Variants in SHE observed in about 807,000 individuals in gnomAD.
SHE encodes SH2 domain-containing adapter protein E.
In SHE, 11 loss-of-function variants were observed where a neutral mutation model predicts 49.8. That is an observed-to-expected ratio of 0.22 (90% CI 0.14 to 0.37). SHE has a LOEUF of 0.37. Among genes scored for constraint, SHE ranks in the 10% least tolerant of loss-of-function variants. SHE has a pLI of 1.00. For synonymous variants in SHE, 310 were observed against 278.1 expected, an observed-to-expected ratio of 1.11 and a Z score of -1.14; for missense variants, 624 against 655.5, an observed-to-expected ratio of 0.95 and a Z score of 0.52.
chr1:154,497,207 G>T (rs1341985976), intron 2 of SHE, among the ~76,000 whole-genome samples: 1 of 152,220 alleles, frequency 6.6e-6, no homozygotes, highest in Admixed American at 6.5e-5. Flanking sequence ...TTTTCATTCT[G>T]AAGACTGTCT....
chr1:154,480,285 A>C lies in SHE; in HGVS notation c.*3864T>G, dbSNP rs1052127660. ...CAAGGGGTGCGGGGAAGGGAAATGA[A>C]ATCGACATCACTGCACTCCCTAAAC... On this transcript the variant is annotated 3_prime_UTR_variant, in exon 6 of 6. Coordinates refer to ENST00000304760, the MANE Select transcript of SHE (RefSeq NM_001010846.3). 3 of 985,432 alleles carry C rather than the reference A, an allele frequency of 3.0e-6. No homozygotes were observed. Among genetic ancestry groups the C allele is most frequent in the African/African-American group, 3.5e-5 (2 of 57,346 alleles). 61.0% of individuals were successfully genotyped at this position (985,432 alleles called of 1,614,324 possible).
chr1:154,477,295 T>C (rs982658117), downstream of SHE, among the ~76,000 whole-genome samples: 1 of 152,162 alleles, frequency 6.6e-6, no homozygotes, highest in African/African-American at 2.4e-5. Context: ...GCATTTCCAT[T>C]GTAAGATAAT....
At chr1:154,470,073 C>G in exon 2 of SHE, 2 of 334,992 alleles carry the variant, frequency 6.0e-6, no homozygotes, top group South Asian at 4.6e-5. Context: ...CGCCTCTGGG[C>G]CCCCACCTGG....
intron 2 of SHE, among the ~76,000 whole-genome samples, chr1:154,494,590 A>C (rs924508184): frequency 6.6e-6 from 1 of 151,342 alleles, no homozygotes. Context: ...TTGACTATTT[A>C]AACAAACCAA....
rs564000149 is a variant in SHE, at chr1:154,502,107, G to T, written c.-81C>A. ...GCGCCCCCGGCCGGCCGTCGCCCAC[G>T]CCCGGCAGGGTGGGGTTCTCACGGC... On this transcript the variant is annotated 5_prime_UTR_variant, in exon 1 of 6. Coordinates refer to ENST00000304760, the MANE Select transcript of SHE (RefSeq NM_001010846.3). 4 of 1,116,886 alleles carry T rather than the reference G, an allele frequency of 3.6e-6. No homozygotes were observed. The highest frequency in any genetic ancestry group is 4.4e-5 in the Admixed American group (1 of 22,540). 69.2% of individuals were successfully genotyped at this position (1,116,886 alleles called of 1,614,324 possible).
In SHE at chr1:154,482,725, C is replaced by T; in HGVS notation, c.*1424G>A. 7.1e-6 allele frequency: 7 copies of T among 985,322 alleles called. No individual in the cohort carries two copies. The highest frequency in any genetic ancestry group is 8.4e-6 in the Non-Finnish European group (7 of 829,910). The allele number at this position is 985,322 out of a possible 1,614,324, so 61.0% of individuals were successfully genotyped here. ...ACAGTAAATAAACTGGTGATATAAG[C>T]TCATGATAAATCATAAAGATCCTAA... On this transcript the variant is annotated 3_prime_UTR_variant, in exon 6 of 6. Transcript: ENST00000304760.
chr1:154,486,529 C>T lies in SHE; in HGVS notation c.1179G>A (p.Gln393=), dbSNP rs373554406. ...AAGGATCTGAGGAGGAGACTCACGGCTGCTTCTCCAGGGGCAGGCCCGGGT... is the reference window on the plus strand; with the variant it reads ...AAGGATCTGAGGAGGAGACTCACGGTTGCTTCTCCAGGGGCAGGCCCGGGT... ...KVDPGLPLEK[Q]PWYHGAISRA... Residue 393 remains glutamine, a splice_region_variant and synonymous_variant, in exon 4 of 6, where the codon CAG becomes CAA. Coordinates refer to ENST00000304760, the MANE Select transcript of SHE (RefSeq NM_001010846.3). 50 of 1,614,026 alleles carry T rather than the reference C, an allele frequency of 3.1e-5. No individual in the cohort carries two copies. Among genetic ancestry groups the T allele is most frequent in the Non-Finnish European group, 4.1e-5 (48 of 1,180,000 alleles).
rs751880960 is a variant in SHE, at chr1:154,501,864, G to C, written c.163C>G (p.Arg55Gly). 6.5e-7 allele frequency: 1 copy of C among 1,535,920 alleles called. No homozygotes were observed. The highest frequency in any genetic ancestry group is 1.2e-5 in the South Asian group (1 of 84,238). Residue 55 changes from arginine (R) to glycine (G), a missense_variant, in exon 1 of 6, where the codon CGG (arginine) becomes GGG (glycine). Physicochemically the swap from Arg to Gly is moderately radical, Grantham distance 125 (BLOSUM62 -2). Coordinates refer to ENST00000304760, the MANE Select transcript of SHE (RefSeq NM_001010846.3). ...CCGCCGCCGCCCCCGGGCTTGGCCC[G>C]CTCCGACACGGTCTTCAGGTTCAGG... ...FPLNLKTVSE[R>G]AKPGGGGGKL... is the part of the protein sequence containing the mutation.
intron 1 of SHE, among the ~76,000 whole-genome samples, chr1:154,471,914 T>TG (rs1181095769): frequency 6.6e-6 from 1 of 152,254 alleles, no homozygotes; most frequent in Non-Finnish European, 1.5e-5. Flanking sequence ...GGCTCACGCC[T>TG]GTAATCCCAG....
At chr1:154,472,345 A>G (rs1395901968) in intron 1 of SHE, among the ~76,000 whole-genome samples, 3 of 152,190 alleles carry the variant, frequency 2.0e-5, no homozygotes, top group African/African-American at 7.2e-5. Context: ...ACATAAATGC[A>G]CCTCAGCATG....
At chr1:154,476,950 T>G (rs1691890913), downstream of SHE, among the ~76,000 whole-genome samples, 1 of 152,210 alleles carries the variant, frequency 6.6e-6, no homozygotes, top group East Asian at 1.9e-4. Context: ...ACTACATGAT[T>G]CACAAAGGGG....
intron 2 of SHE, among the ~76,000 whole-genome samples, chr1:154,495,701 T>C (rs527383477): frequency 1.3e-5 from 2 of 151,582 alleles, no homozygotes; most frequent in South Asian, 4.2e-4. Context: ...GTTTCCTGTA[T>C]GCCCAGAGCT....
chr1:154,489,042 C>A lies in SHE; in HGVS notation c.1024+9G>T, dbSNP rs187936733. On this transcript the variant is annotated intron_variant, in intron 3 of 5. Transcript: ENST00000304760. The stretch of plus-strand genomic sequence containing the variant: ...TCACACTGGGGCGGGCCTGGCCTGG[C>A]GCCCTCACCTGACAGAGCCCGCACG... 1.7e-5 allele frequency: 27 copies of A among 1,544,856 alleles called. No homozygotes were observed. The highest frequency in any genetic ancestry group is 2.5e-5 in the South Asian group (2 of 79,872).
At chr1:154,500,121 A>C (rs1218875878) in intron 1 of SHE, among the ~76,000 whole-genome samples, 1 of 152,224 alleles carries the variant, frequency 6.6e-6, no homozygotes, top group Non-Finnish European at 1.5e-5. Flanking sequence ...AACAGCCTGG[A>C]AATAGCCTCA....
Position 154,489,073 on chromosome 1 carries a change from C to T in SHE, c.1002G>A (p.Glu334=). Residue 334 remains glutamate, a synonymous_variant, in exon 3 of 6, where the codon GAG becomes GAA. Coordinates refer to ENST00000304760, the MANE Select transcript of SHE (RefSeq NM_001010846.3). Reference sequence around the variant, plus strand: ...CACCTGACAGAGCCCGCACGATCTGCTCCTTCTTCCACTCCCATGGCTGCT... The same window carrying T: ...CACCTGACAGAGCCCGCACGATCTGTTCCTTCTTCCACTCCCATGGCTGCT... ...EYEQPWEWKK[E]QIVRALSVQF... The T allele has an allele frequency of 1.3e-6, 2 of 1,594,876 alleles. No homozygotes were observed. Among genetic ancestry groups the T allele is most frequent in the African/African-American group, 2.7e-5 (2 of 74,452 alleles).
chr1:154,487,563 G>C (rs1692218717), intron 3 of SHE, among the ~76,000 whole-genome samples: 1 of 151,932 alleles, frequency 6.6e-6, no homozygotes, highest in South Asian at 2.1e-4. Flanking sequence ...AAACGAAACT[G>C]ACTCCAGGCT....
chr1:154,481,633 C>T lies in SHE; in HGVS notation c.*2516G>A. On this transcript the variant is annotated 3_prime_UTR_variant, in exon 6 of 6. Transcript: ENST00000304760. ...TTAAAATTAGAATAACTGCTGTATT[C>T]CCTTTGTAGAATAAGGTTAAGTAAA... is the stretch of plus-strand genomic sequence containing the variant. 1.0e-6 allele frequency: 1 copy of T among 983,892 alleles called. No homozygotes were observed. The allele number at this position is 983,892 out of a possible 1,614,324, so 60.9% of individuals were successfully genotyped here. A position where few individuals can be genotyped will look rare whatever the true frequency, so the allele number is the denominator to read the frequency against.
At chr1:154,475,866 C>A (rs1190281966), downstream of SHE, among the ~76,000 whole-genome samples, 4 of 152,058 alleles carry the variant, frequency 2.6e-5, no homozygotes, top group Non-Finnish European at 5.9e-5. Flanking sequence ...ACCTCCACCT[C>A]CCGGTTGGAG....
In SHE at chr1:154,479,553, T is replaced by C. The variant is rs1691964961; in HGVS notation, c.*4596A>G. On this transcript the variant is annotated 3_prime_UTR_variant, in exon 6 of 6. Coordinates refer to ENST00000304760, the MANE Select transcript of SHE (RefSeq NM_001010846.3). ...TCTTCAGGAGGGCATGAAGCCTATA[T>C]TGGCTACTGCAAAACAACCAGAAGT... 1.2e-5 allele frequency: 12 copies of C among 984,750 alleles called. No homozygotes were observed. Among genetic ancestry groups the C allele is most frequent in the Non-Finnish European group, 1.3e-5 (11 of 829,288 alleles). The allele number at this position is 984,750 out of a possible 1,614,324, so 61.0% of individuals were successfully genotyped here.
Sources: allele counts gnomAD v4.1 joint callset (sites outside exome capture counted in the v4.1 genomes callset), GRCh38; gene constraint gnomAD v4.1.1; transcripts MANE v1.5; gene names NCBI Gene and HGNC (gene_info 2026-07-23, HGNC 2026-07-21).